Variants in RIMS1 observed in about 807,000 individuals in gnomAD.
The protein encoded by RIMS1 is regulating synaptic membrane exocytosis protein 1.
RIMS1 carries 83 observed loss-of-function variants against 214.1 expected under a neutral mutation model. That is an observed-to-expected ratio of 0.39 (90% CI 0.32 to 0.47). The LOEUF is 0.47. Among genes scored for constraint, RIMS1 ranks in the 20% least tolerant of loss-of-function variants. RIMS1 has a pLI of 0.99. For missense variants in RIMS1, 2,050 were observed against 2,161.8 expected, an observed-to-expected ratio of 0.95 and a Z score of 1.03; for synonymous variants, 793 against 786.8, an observed-to-expected ratio of 1.01 and a Z score of -0.13.
At chr6:71,896,941 C>T (rs1169727224) in intron 1 of RIMS1, among the ~76,000 whole-genome samples, 5 of 152,150 alleles carry the variant, frequency 3.3e-5, no homozygotes, top group Admixed American at 3.3e-4. Flanking sequence ...TATATTACTG[C>T]ATTAGAATTT....
At chr6:71,902,196 C>T (rs1305833860) in intron 1 of RIMS1, among the ~76,000 whole-genome samples, 1 of 151,988 alleles carries the variant, frequency 6.6e-6, no homozygotes, top group Non-Finnish European at 1.5e-5. Flanking sequence ...GACCTTCTGT[C>T]TGTTTCTATT....
At chr6:72,103,073 G>C (rs2033969399) in intron 4 of RIMS1, among the ~76,000 whole-genome samples, 1 of 151,986 alleles carries the variant, frequency 6.6e-6, no homozygotes, top group South Asian at 2.1e-4. Context: ...AATAACATAG[G>C]TCTATATAGA....
At chr6:72,399,172 G>A (rs1596401605) in intron 33 of RIMS1, 78 bp downstream of exon 33, 1 of 779,818 alleles carries the variant, frequency 1.3e-6, no homozygotes. Context: ...CAAACACAAA[G>A]AGAATAAAAT....
chr6:72,230,771 C>T (rs1022601438), intron 6 of RIMS1, among the ~76,000 whole-genome samples: 1 of 151,394 alleles, frequency 6.6e-6, no homozygotes, highest in Admixed American at 6.6e-5. Flanking sequence ...AGTTTAATAA[C>T]CTACTTTTTC....
At chr6:72,333,959 T>C (rs1594023766) in intron 29 of RIMS1, 124 bp downstream of exon 29, 2 of 712,042 alleles carry the variant, frequency 2.8e-6, no homozygotes, top group East Asian at 5.5e-5. Context: ...GAAAATTTAT[T>C]TTTCTGTCTC....
intron 8 of RIMS1, among the ~76,000 whole-genome samples, 156 bp from the exon 9 acceptor site, chr6:72,237,667 T>C (rs1216525463): frequency 1.4e-5 from 2 of 145,912 alleles, no homozygotes; most frequent in African/African-American, 5.1e-5. Flanking sequence ...CAGAGCAAGA[T>C]CCCATCTCAA....
At chr6:72,186,882 G>C (rs1248560796) in intron 6 of RIMS1, among the ~76,000 whole-genome samples, 1 of 151,918 alleles carries the variant, frequency 6.6e-6, no homozygotes, top group African/African-American at 2.4e-5. Flanking sequence ...TGTAATTCCA[G>C]CACTTTGGGA....
chr6:72,012,336 G>T (rs545175042), intron 2 of RIMS1, among the ~76,000 whole-genome samples: 1 of 152,218 alleles, frequency 6.6e-6, no homozygotes, highest in African/African-American at 2.4e-5. Flanking sequence ...GTTGTAGGGT[G>T]GGGGAAAGAG....
At chr6:72,381,676 A>T (rs2815743) in intron 29 of RIMS1, among the ~76,000 whole-genome samples, 65,732 of 152,086 alleles carry the variant, frequency 0.43, 14,592 homozygotes, top group Middle Eastern at 0.51. Flanking sequence ...AATGGAAAAA[A>T]CAAAGTTATG....
At chr6:72,042,266 C>T (rs1406979483) in intron 2 of RIMS1, among the ~76,000 whole-genome samples, 2 of 151,676 alleles carry the variant, frequency 1.3e-5, no homozygotes, top group African/African-American at 2.4e-5. Context: ...GAGAAGAAAC[C>T]CTGCTGATCA....
chr6:72,084,389 A>G (rs531665507), intron 2 of RIMS1, among the ~76,000 whole-genome samples: 2 of 152,246 alleles, frequency 1.3e-5, no homozygotes, highest in South Asian at 2.1e-4. Context: ...CTTCTCTTGA[A>G]TTGTACTGTG....
chr6:71,964,224 G>A (rs182491324), intron 1 of RIMS1, among the ~76,000 whole-genome samples: 1 of 152,126 alleles, frequency 6.6e-6, no homozygotes, highest in East Asian at 1.9e-4. Context: ...AGCAGGAAAG[G>A]TTGGTGCAGA....
intron 2 of RIMS1, among the ~76,000 whole-genome samples, chr6:72,004,533 T>G (rs1257779632): frequency 9.9e-5 from 15 of 151,200 alleles, no homozygotes; most frequent in Admixed American, 2.0e-4. Flanking sequence ...CAGCACCTGT[T>G]GTTTCCTGAC....
At chr6:72,202,553 ATAGGGGT>A (rs2052182645) in intron 6 of RIMS1, among the ~76,000 whole-genome samples, 7 of 152,214 alleles carry the variant, frequency 4.6e-5, no homozygotes, top group Admixed American at 4.6e-4. Flanking sequence ...GTCGGAGGTA[ATAGGGGT>A]TAGGACATCA....
At chr6:72,378,505 G>A (rs1253207731) in intron 29 of RIMS1, among the ~76,000 whole-genome samples, 1 of 152,154 alleles carries the variant, frequency 6.6e-6, no homozygotes, top group Non-Finnish European at 1.5e-5. Flanking sequence ...TCATACATGT[G>A]TGTTTGTTTC....
chr6:71,906,367 A>C (rs568010700), intron 1 of RIMS1, among the ~76,000 whole-genome samples: 8 of 152,264 alleles, frequency 5.3e-5, no homozygotes, highest in Non-Finnish European at 1.5e-5. Context: ...CCAACAGCAA[A>C]AAGTGCTCAT....
chr6:72,163,337 C>A lies in RIMS1; in HGVS notation c.472-16238C>A, dbSNP rs549999995. Among the ~76,000 whole-genome samples, 40 of 140,386 alleles carry A rather than the reference C, an allele frequency of 2.8e-4. 1 individual carries two copies. Among genetic ancestry groups the A allele is most frequent in the African/African-American group, 9.3e-4 (38 of 40,710 alleles). The allele number at this position is 140,386 out of a possible 152,430, so 92.1% of individuals were successfully genotyped here. On this transcript the variant is annotated intron_variant, in intron 4 of 33. Coordinates refer to ENST00000521978, the MANE Select transcript of RIMS1 (RefSeq NM_014989.7). The stretch of plus-strand genomic sequence containing the variant: ...TCTTTGCCATGGGTTCAAACTTCCT[C>A]CTTTAGTTCAGAGTAGTTTGATCAT...
intron 29 of RIMS1, among the ~76,000 whole-genome samples, chr6:72,348,315 G>C (rs945503235): frequency 6.6e-6 from 1 of 151,850 alleles, no homozygotes; most frequent in Non-Finnish European, 1.5e-5. Context: ...ATAGAAACCT[G>C]CATATGCGGA....
At chr6:72,053,835 C>T (rs1825380991) in intron 2 of RIMS1, among the ~76,000 whole-genome samples, 1 of 152,142 alleles carries the variant, frequency 6.6e-6, no homozygotes, top group African/African-American at 2.4e-5. Context: ...TAAATACAAT[C>T]AAGCAGTAAT....
Sources: allele counts gnomAD v4.1 joint callset (sites outside exome capture counted in the v4.1 genomes callset), GRCh38; gene constraint gnomAD v4.1.1; transcripts MANE v1.5; gene names NCBI Gene and HGNC (gene_info 2026-07-23, HGNC 2026-07-21).